The following AGO4 variants were observed in gnomAD, a reference collection of about 807,000 sequenced individuals.
AGO4 encodes protein argonaute-4.
Under a neutral mutation model 104.7 loss-of-function variants are expected in AGO4, and 33 were observed. The observed-to-expected ratio is 0.32, with a 90% CI of 0.24 to 0.42. The LOEUF is 0.42. Among genes scored for constraint, AGO4 ranks in the 10% least tolerant of loss-of-function variants. AGO4 has a pLI of 1.00. For missense variants in AGO4, 711 were observed against 1,083.4 expected (o/e 0.66, Z 4.83); for synonymous variants, 331 against 364.7 (o/e 0.91, Z 1.05).
rs188788679 is a variant in AGO4 at position 35,813,333 on chromosome 1, C to T, written c.20-3549C>T. On this transcript the variant is annotated intron_variant, in intron 1 of 17. Transcript: ENST00000373210. The stretch of plus-strand genomic sequence containing the variant: ...CTGAGGCAGGAGAATGGCGTGAACC[C>T]GGGAGGCAGAGCTTGCAGTGAGCCA... Among the ~76,000 whole-genome samples, 1,156 of 151,528 alleles carry T rather than the reference C, an allele frequency of 7.6e-3. 16 individuals are homozygous for T. Among genetic ancestry groups the T allele is most frequent in the African/African-American group, 0.025 (1,028 of 41,262 alleles).
intron 2 of AGO4, among the ~76,000 whole-genome samples, chr1:35,817,271 A>T (rs907217896): frequency 6.6e-5 from 10 of 152,274 alleles, no homozygotes; most frequent in African/African-American, 2.2e-4. Context: ...TTAATTATGG[A>T]AAAGAAAGGT....
At chr1:35,811,816 T>C (rs1301084615) in intron 1 of AGO4, among the ~76,000 whole-genome samples, 2 of 152,070 alleles carry the variant, frequency 1.3e-5, no homozygotes, top group African/African-American at 2.4e-5. Context: ...GCCAGGCTGG[T>C]CTTGAACTCC....
chr1:35,828,654 G>T (rs1470145310), intron 7 of AGO4, among the ~76,000 whole-genome samples: 1 of 151,964 alleles, frequency 6.6e-6, no homozygotes, highest in African/African-American at 2.4e-5. Context: ...CAAGTAGCTG[G>T]GATTACAGGC....
intron 1 of AGO4, among the ~76,000 whole-genome samples, chr1:35,816,391 C>A (rs914253943): frequency 1.3e-5 from 2 of 152,132 alleles, no homozygotes; most frequent in Non-Finnish European, 2.9e-5. Flanking sequence ...ATTTAGAAAT[C>A]TAGAGAACCT....
At chr1:35,820,389 A>G (rs1643866717) in intron 2 of AGO4, among the ~76,000 whole-genome samples, 1 of 151,894 alleles carries the variant, frequency 6.6e-6, no homozygotes. Flanking sequence ...ATGGAGTCTC[A>G]CTCTGTCACC....
intron 7 of AGO4, among the ~76,000 whole-genome samples, chr1:35,831,136 C>A (rs574879361): frequency 5.9e-5 from 9 of 151,886 alleles, no homozygotes; most frequent in African/African-American, 2.2e-4. Context: ...CCGAGGTGGG[C>A]GGATCACTTG....
At chr1:35,820,322 C>T (rs377375212) in intron 2 of AGO4, among the ~76,000 whole-genome samples, 24 of 152,012 alleles carry the variant, frequency 1.6e-4, no homozygotes, top group East Asian at 9.7e-4. Flanking sequence ...AATGTTCAGA[C>T]GGGGAGAAAC....
chr1:35,842,717 G>T (rs532041484), intron 15 of AGO4, among the ~76,000 whole-genome samples: 1 of 152,050 alleles, frequency 6.6e-6, no homozygotes, highest in African/African-American at 2.4e-5. Flanking sequence ...CAGGAGAATC[G>T]CTTGAACCCA....
At chr1:35,829,325 A>G (rs2148665102) in intron 7 of AGO4, among the ~76,000 whole-genome samples, 1 of 151,896 alleles carries the variant, frequency 6.6e-6, no homozygotes, top group Middle Eastern at 3.4e-3. Flanking sequence ...AAAAAAAAAA[A>G]GTTACCAAAA....
chr1:35,851,122 A>G (rs1644693162), intron 17 of AGO4, 69 bp downstream of exon 17: 1 of 1,464,590 alleles, frequency 6.8e-7, no homozygotes, highest in Non-Finnish European at 9.2e-7. Flanking sequence ...GAGCTACAAT[A>G]GAAAACTTTT....
intron 1 of AGO4, among the ~76,000 whole-genome samples, 193 bp from the exon 2 acceptor site, chr1:35,816,689 C>T (rs923062930): frequency 1.3e-4 from 20 of 151,206 alleles, no homozygotes; most frequent in African/African-American, 4.9e-4. Context: ...ATCCCAGCTA[C>T]TGGAGAGGCT....
intron 17 of AGO4, 149 bp downstream of exon 17, chr1:35,851,202 G>T: frequency 1.3e-6 from 1 of 762,990 alleles, no homozygotes; most frequent in Non-Finnish European, 2.1e-6. Context: ...CTGAGAGCTT[G>T]TAATGTGACT....
chr1:35,837,428 G>A (rs1644339963), intron 13 of AGO4, among the ~76,000 whole-genome samples: 1 of 151,554 alleles, frequency 6.6e-6, no homozygotes, highest in African/African-American at 2.4e-5. Context: ...TTCCAGGCTG[G>A]AGTGCAGTGA....
At chr1:35,811,092 G>T (rs947367171) in intron 1 of AGO4, among the ~76,000 whole-genome samples, 1 of 152,014 alleles carries the variant, frequency 6.6e-6, no homozygotes, top group African/African-American at 2.4e-5. Context: ...GGCAGAGGAT[G>T]CTGCGAGCTG....
intron 7 of AGO4, among the ~76,000 whole-genome samples, chr1:35,830,856 C>T (rs542023346): frequency 1.7e-4 from 26 of 151,608 alleles, no homozygotes; most frequent in South Asian, 1.5e-3. Flanking sequence ...CTTGTAATCC[C>T]AGCTACTCGG....
At chr1:35,816,682 C>T (rs1158511200) in intron 1 of AGO4, among the ~76,000 whole-genome samples, 200 bp from the exon 2 acceptor site, 1 of 151,742 alleles carries the variant, frequency 6.6e-6, no homozygotes, top group Non-Finnish European at 1.5e-5. Flanking sequence ...TCCTGTAATC[C>T]CAGCTACTGG....
intron 1 of AGO4, among the ~76,000 whole-genome samples, chr1:35,816,149 A>G (rs1026259943): frequency 6.6e-6 from 1 of 152,192 alleles, no homozygotes; most frequent in Non-Finnish European, 1.5e-5. Flanking sequence ...TATATGTACA[A>G]TTTATAATGA....
rs1335099592 is a variant in AGO4 at position 35,825,730 on chromosome 1, C to A, written c.540C>A (p.His180Gln). 2.5e-6 allele frequency: 4 copies of A among 1,590,178 alleles called. No individual in the cohort carries two copies. The highest frequency in any genetic ancestry group is 1.9e-5 in the Admixed American group (1 of 53,862). Residue 180 changes from histidine (H) to glutamine (Q), a missense_variant, in exon 5 of 18, where the codon CAC becomes CAA. His to Gln is a conservative substitution (Grantham distance 24, BLOSUM62 0). Transcript: ENST00000373210. ...TCTCACCCCCGGAAGGTTACTACCA[C>A]CCTCTGGGAGGGGGCAGGGAGGTCT... ...SFFSPPEGYYHPLGGGREVWF... is the reference protein window; with the variant it reads ...SFFSPPEGYYQPLGGGREVWF...
At chr1:35,850,315 G>A in intron 16 of AGO4, 57 bp downstream of exon 16, 1 of 1,295,388 alleles carries the variant, frequency 7.7e-7, no homozygotes. Context: ...TGCAAATTCA[G>A]CAACTAGCTT....
Sources: gnomAD v4.1 joint callset for allele counts (sites outside exome capture counted in the v4.1 genomes callset) on GRCh38, gnomAD v4.1.1 for gene constraint, MANE v1.5 for transcripts, NCBI Gene and HGNC (gene_info 2026-07-23, HGNC 2026-07-21) for gene names.